The following PSMD7 variants were observed in gnomAD, a reference collection of about 807,000 sequenced individuals.
The protein encoded by PSMD7 is proteasome 26S subunit, non-ATPase 7.
Under a neutral mutation model 36.4 loss-of-function variants are expected in PSMD7, and 13 were observed. The observed-to-expected ratio is 0.36, with a 90% confidence interval of 0.23 to 0.57. The LOEUF is 0.57. PSMD7 is among the 20% of genes least tolerant of loss of function. PSMD7 has a pLI of 0.83. For missense variants in PSMD7, 298 were observed against 393.6 expected (o/e 0.76, Z 2.06); for synonymous variants, 186 against 151.0 (o/e 1.23, Z -1.70).
intron 6 of PSMD7, chr16:74,305,020 C>T: frequency 2.6e-6 from 1 of 389,020 alleles, no homozygotes; most frequent in Non-Finnish European, 4.4e-6. Flanking sequence ...ATTTTTTTTT[C>T]CTTAAGTGGA....
Position 74,301,761 on chromosome 16 carries a change from T to A in PSMD7, c.357+109T>A, listed in dbSNP as rs986571958. 4 of 802,300 alleles carry A rather than the reference T, an allele frequency of 5.0e-6. No homozygotes were observed. The African/African-American group carries it at 6.8e-5, about 14-fold the overall frequency. The allele number at this position is 802,300 out of a possible 1,614,324, so 49.7% of individuals were successfully genotyped here. On this transcript the variant is annotated intron_variant, in intron 4 of 6. Coordinates refer to ENST00000219313, the MANE Select transcript of PSMD7 (RefSeq NM_002811.5). The stretch of plus-strand genomic sequence containing the variant: ...TAGCAAATCTGCTTACTGCTTTATC[T>A]CCATAAACTTCTGTTGATTTGTAGT...
intron 6 of PSMD7, chr16:74,304,984 G>T: frequency 3.7e-6 from 1 of 271,924 alleles, no homozygotes; most frequent in Non-Finnish European, 6.9e-6. Context: ...AAAGTTATTG[G>T]TAGATCTGAA....
At chr16:74,302,079 A>G in intron 4 of PSMD7, 133 bp from the exon 5 acceptor site, 1 of 747,284 alleles carries the variant, frequency 1.3e-6, no homozygotes, top group Non-Finnish European at 2.2e-6. Flanking sequence ...GCATAAATGC[A>G]TTTTTGCTGA....
intron 1 of PSMD7, among the ~76,000 whole-genome samples, chr16:74,298,321 A>G (rs945100106): frequency 3.3e-5 from 5 of 152,132 alleles, no homozygotes; most frequent in African/African-American, 7.2e-5. Flanking sequence ...ACATGTTTCT[A>G]AGTTTTACAA....
At chr16:74,301,463 A>G in intron 3 of PSMD7, 92 bp from the exon 4 acceptor site, 1 of 946,644 alleles carries the variant, frequency 1.1e-6, no homozygotes, top group Non-Finnish European at 1.6e-6. Flanking sequence ...AAAGAGGTAA[A>G]GGACATAACT....
At chr16:74,303,310 G>A (rs1051418533) in intron 5 of PSMD7, among the ~76,000 whole-genome samples, 1 of 152,176 alleles carries the variant, frequency 6.6e-6, no homozygotes, top group African/African-American at 2.4e-5. Context: ...AGTGTGAGTT[G>A]AGTGACTTTC....
rs373688812 is a variant in PSMD7, at chr16:74,305,494, G to C, written c.736G>C (p.Val246Leu). 1.6e-5 allele frequency: 26 copies of C among 1,614,026 alleles called. No individual in the cohort carries two copies. Among genetic ancestry groups the C allele is most frequent in the Middle Eastern group, 1.6e-4 (1 of 6,084 alleles). The change falls in exon 7 of 7, where the codon GTC (valine) becomes CTC (leucine). Residue 246 changes from valine to leucine, a missense_variant. Val to Leu is a conservative substitution (Grantham distance 32). Transcript: ENST00000219313. Reference protein sequence around the residue: ...LLPDVSLQEFVKAFYLKTNDQ... With the variant: ...LLPDVSLQEFLKAFYLKTNDQ... ...GCCAGATGTCAGCCTGCAGGAGTTC[G>C]TCAAGGCCTTTTACCTGAAGACCAA...
chr16:74,304,023 C>T (rs113758793), intron 5 of PSMD7: 4,265 of 294,238 alleles, frequency 0.014, 62 homozygotes, highest in African/African-American at 0.046. Flanking sequence ...AACCTGAGAC[C>T]TCCCTGTGCG....
chr16:74,305,828 A>G lies in PSMD7; in HGVS notation c.*95A>G. 1 of 1,339,942 alleles carries G rather than the reference A, an allele frequency of 7.5e-7. No individual in the cohort carries two copies. The highest frequency in any genetic ancestry group is 1.5e-5 in the African/African-American group (1 of 67,748). 83.0% of individuals were successfully genotyped at this position (1,339,942 alleles called of 1,614,324 possible). A position where few individuals can be genotyped will look rare whatever the true frequency, so the allele number is the denominator to read the frequency against. ...GGGTTCTTTTTCACTTGACATGCTTATTAGAAAGCTGACCCAACAAGAGCT... is the reference window on the plus strand; with the variant it reads ...GGGTTCTTTTTCACTTGACATGCTTGTTAGAAAGCTGACCCAACAAGAGCT... On this transcript the variant is annotated 3_prime_UTR_variant, in exon 7 of 7. Coordinates refer to ENST00000219313, the MANE Select transcript of PSMD7 (RefSeq NM_002811.5).
chr16:74,298,794 A>C (rs1313275352), intron 1 of PSMD7, among the ~76,000 whole-genome samples: 1 of 152,166 alleles, frequency 6.6e-6, no homozygotes, highest in East Asian at 1.9e-4. Flanking sequence ...AGATCACTTG[A>C]ATCTGAGAGG....
At chr16:74,299,140 C>T (rs529967205) in intron 1 of PSMD7, among the ~76,000 whole-genome samples, 4 of 151,758 alleles carry the variant, frequency 2.6e-5, no homozygotes, top group African/African-American at 7.2e-5. Context: ...TACAGTTAAA[C>T]CAATGTGAAA....
At chr16:74,300,285 G>A (rs554737251) in intron 2 of PSMD7, 79 bp downstream of exon 2, 33 of 1,269,998 alleles carry the variant, frequency 2.6e-5, no homozygotes, top group African/African-American at 1.2e-4. Context: ...CTTTGTTACC[G>A]CTTTTGACTA....
At chr16:74,301,427 C>G (rs1295379679) in intron 3 of PSMD7, 128 bp from the exon 4 acceptor site, 2 of 688,950 alleles carry the variant, frequency 2.9e-6, no homozygotes, top group Non-Finnish European at 4.9e-6. Flanking sequence ...TTTAGTACCA[C>G]CAGGGTAAAT....
intron 5 of PSMD7, 50 bp from the exon 6 acceptor site, chr16:74,304,253 T>G: frequency 1.3e-6 from 2 of 1,534,220 alleles, no homozygotes; most frequent in Non-Finnish European, 1.8e-6. Flanking sequence ...GGAACACATG[T>G]CAGTTCGTTT....
intron 1 of PSMD7, among the ~76,000 whole-genome samples, chr16:74,298,206 T>C (rs1279462845): frequency 7.1e-6 from 1 of 140,332 alleles, no homozygotes; most frequent in African/African-American, 2.6e-5. Context: ...CCTTAATGAA[T>C]AAGGTAAGGA....
Position 74,301,368 on chromosome 16 carries a change from C to T in PSMD7, c.260-187C>T, listed in dbSNP as rs145133598. 3.2e-4 allele frequency among the ~76,000 whole-genome samples: 49 copies of T among 152,196 alleles called. No individual in the cohort carries two copies. The East Asian group carries it at 8.5e-3, about 26-fold the overall frequency. ...TACAAGGGGAAATAACCTCTCATTGCGGCAGAAAAGTGAAGAACTATCCAG... is the reference window on the plus strand; with the variant it reads ...TACAAGGGGAAATAACCTCTCATTGTGGCAGAAAAGTGAAGAACTATCCAG... On this transcript the variant is annotated intron_variant, in intron 3 of 6. Coordinates refer to ENST00000219313, the MANE Select transcript of PSMD7 (RefSeq NM_002811.5).
chr16:74,301,121 A>G lies in PSMD7; in HGVS notation c.236A>G (p.Tyr79Cys), dbSNP rs758813349. ...FLDHDYLENM[Y>C]GMFKKVNARE... ...GACCATGATTATTTGGAAAACATGT[A>G]TGGAATGTTTAAGAAAGTCAATGGT... The change falls in exon 3 of 7, where the codon TAT becomes TGT. Residue 79 changes from tyrosine to cysteine, a missense_variant. Transcript: ENST00000219313. 2 of 1,610,026 alleles carry G rather than the reference A, an allele frequency of 1.2e-6. No individual in the cohort carries two copies. Among genetic ancestry groups the G allele is most frequent in the East Asian group, 2.2e-5 (1 of 44,856 alleles).
At position 74,301,122 on chromosome 16, in the gene PSMD7, T is replaced by C; in HGVS notation, c.237T>C (p.Tyr79=). 1 of 1,609,696 alleles carries C rather than the reference T, an allele frequency of 6.2e-7. No individual in the cohort carries two copies. Among genetic ancestry groups the C allele is most frequent in the South Asian group, 1.1e-5 (1 of 90,890 alleles). ...ACCATGATTATTTGGAAAACATGTA[T>C]GGAATGTTTAAGAAAGTCAATGGTA... ...FLDHDYLENM[Y]GMFKKVNARE... is the part of the protein sequence containing the mutation. The change falls in exon 3 of 7, where the codon TAT becomes TAC. Residue 79 remains tyrosine (Y), a synonymous_variant. Transcript: ENST00000219313.
chr16:74,305,126 G>C (rs1324349821), intron 6 of PSMD7, 163 bp from the exon 7 acceptor site: 2 of 879,432 alleles, frequency 2.3e-6, no homozygotes, highest in Non-Finnish European at 3.3e-6. Flanking sequence ...CGAAATTAAG[G>C]TAATTGATAA....
Sources: gnomAD v4.1 joint callset for allele counts (sites outside exome capture counted in the v4.1 genomes callset) on GRCh38, gnomAD v4.1.1 for gene constraint, MANE v1.5 for transcripts, NCBI Gene and HGNC (gene_info 2026-07-23, HGNC 2026-07-21) for gene names.